TMEM131L: variants seen among roughly 807,000 people sequenced by gnomAD.
The protein encoded by TMEM131L is transmembrane protein 131-like.
A neutral mutation model predicts 192.2 loss-of-function variants in TMEM131L; 54 were observed. The observed-to-expected ratio is 0.28, with a 90% CI of 0.23 to 0.35. The LOEUF (loss-of-function observed/expected upper bound fraction) is 0.35, where lower values mean the gene tolerates loss of function less well. Ranked by LOEUF, TMEM131L falls within the 10% of genes least tolerant of loss-of-function variation. The probability of loss-of-function intolerance (pLI) is 1.00; values close to 1 mark genes in which losing one functional copy is unlikely to be tolerated. For missense variants in TMEM131L, 1,888 were observed against 1,972.9 expected (o/e 0.96, Z 0.82); for synonymous variants, 701 against 704.9 (o/e 0.99, Z 0.09).
intron 3 of TMEM131L, among the ~76,000 whole-genome samples, chr4:153,490,646 CA>C (rs1732701421): frequency 1.3e-5 from 2 of 151,836 alleles, no homozygotes; most frequent in African/African-American, 4.8e-5. Flanking sequence ...TTGTTGGAAA[CA>C]AAAGCTTCTA....
intron 4 of TMEM131L, among the ~76,000 whole-genome samples, chr4:153,553,301 A>G (rs1375910678): frequency 1.3e-5 from 2 of 152,168 alleles, no homozygotes; most frequent in Non-Finnish European, 2.9e-5. Flanking sequence ...AAATGTGTTC[A>G]TACATTTGTT....
chr4:153,478,703 G>C (rs1200572099), intron 3 of TMEM131L, among the ~76,000 whole-genome samples: 1 of 151,980 alleles, frequency 6.6e-6, no homozygotes, highest in Non-Finnish European at 1.5e-5. Context: ...TTTATATCTT[G>C]TGAGCTCATG....
At chr4:153,621,654 G>GT (rs112486435) in intron 27 of TMEM131L, 29 bp from the exon 28 acceptor site, 854 of 1,568,814 alleles carry the variant, frequency 5.4e-4, no homozygotes, top group Middle Eastern at 8.5e-4. Context: ...ATACAGATGT[G>GT]TTTTTTTGTG....
intron 3 of TMEM131L, among the ~76,000 whole-genome samples, chr4:153,490,687 G>C (rs1732707807): frequency 6.6e-6 from 1 of 152,150 alleles, no homozygotes; most frequent in Non-Finnish European, 1.5e-5. Context: ...CGGGCGTGGG[G>C]GCTCATGCCT....
At chr4:153,500,066 C>T (rs1260752190) in intron 3 of TMEM131L, among the ~76,000 whole-genome samples, 1 of 151,998 alleles carries the variant, frequency 6.6e-6, no homozygotes, top group African/African-American at 2.4e-5. Flanking sequence ...CCGTTCCCTT[C>T]CGTTCCCTTC....
At chr4:153,560,019 A>T (rs748710294) in intron 7 of TMEM131L, among the ~76,000 whole-genome samples, 1 of 151,056 alleles carries the variant, frequency 6.6e-6, no homozygotes, top group African/African-American at 2.4e-5. Flanking sequence ...TCCACCTCCA[A>T]TTTTCTCCAA....
intron 3 of TMEM131L, among the ~76,000 whole-genome samples, chr4:153,476,490 G>A (rs530811450): frequency 1.2e-4 from 19 of 152,208 alleles, no homozygotes; most frequent in African/African-American, 3.9e-4. Flanking sequence ...GAGGTCAGGT[G>A]ATCAAGACCA....
chr4:153,615,907 G>C (rs1015138524), intron 26 of TMEM131L, among the ~76,000 whole-genome samples: 1 of 152,198 alleles, frequency 6.6e-6, no homozygotes, highest in African/African-American at 2.4e-5. Flanking sequence ...CTGGCTCTCT[G>C]TGCCAGGCTT....
chr4:153,562,748 T>C (rs1249063161), intron 7 of TMEM131L, among the ~76,000 whole-genome samples: 1 of 152,204 alleles, frequency 6.6e-6, no homozygotes, highest in Non-Finnish European at 1.5e-5. Flanking sequence ...TAGACAGAAA[T>C]ATGTCATCAG....
At chr4:153,622,675 A>G (rs965168403) in intron 28 of TMEM131L, among the ~76,000 whole-genome samples, 1 of 152,200 alleles carries the variant, frequency 6.6e-6, no homozygotes, top group African/African-American at 2.4e-5. Flanking sequence ...TGGCCCTCTT[A>G]GCCCCTAATT....
intron 26 of TMEM131L, among the ~76,000 whole-genome samples, chr4:153,620,452 G>T (rs1733309011): frequency 6.6e-6 from 1 of 152,210 alleles, no homozygotes; most frequent in Admixed American, 6.5e-5. Context: ...ACAGGTGAAG[G>T]TTGGAGGATT....
chr4:153,605,161 A>G (rs1732134034), intron 25 of TMEM131L, among the ~76,000 whole-genome samples: 1 of 152,212 alleles, frequency 6.6e-6, no homozygotes, highest in Non-Finnish European at 1.5e-5. Context: ...TTCCTTGGTT[A>G]AAAGAAGACA....
intron 3 of TMEM131L, among the ~76,000 whole-genome samples, chr4:153,543,499 T>A (rs1580177066): frequency 6.6e-6 from 1 of 152,330 alleles, no homozygotes; most frequent in East Asian, 1.9e-4. Flanking sequence ...GTGCCTTGCC[T>A]CAGTTCATAG....
intron 3 of TMEM131L, among the ~76,000 whole-genome samples, chr4:153,494,385 ATT>A (rs1733012393): frequency 6.6e-6 from 1 of 152,248 alleles, no homozygotes; most frequent in Admixed American, 6.5e-5. Flanking sequence ...GTAGTACAAT[ATT>A]TGACAGAGAA....
chr4:153,589,140 C>G, intron 16 of TMEM131L, 133 bp downstream of exon 16: 1 of 473,746 alleles, frequency 2.1e-6, no homozygotes, highest in Non-Finnish European at 3.7e-6. Flanking sequence ...GTAGCAGACC[C>G]TATATACTAT....
intron 3 of TMEM131L, among the ~76,000 whole-genome samples, chr4:153,486,151 C>T (rs527236935): frequency 6.6e-6 from 1 of 151,850 alleles, no homozygotes; most frequent in Non-Finnish European, 1.5e-5. Context: ...TAGCAAATCC[C>T]TGAAAAAAAA....
intron 3 of TMEM131L, among the ~76,000 whole-genome samples, chr4:153,544,645 C>T (rs1434175296): frequency 1.1e-4 from 16 of 152,238 alleles, no homozygotes; most frequent in Admixed American, 1.0e-3. Flanking sequence ...ATTGGCCTTA[C>T]TGGAAGCAGC....
At chr4:153,581,368 ATT>A in intron 8 of TMEM131L, 37 bp from the exon 9 acceptor site, 1 of 1,386,124 alleles carries the variant, frequency 7.2e-7, no homozygotes, top group South Asian at 1.6e-5. Flanking sequence ...AGTTGAGATG[ATT>A]TTTTTTTTCC....
At chr4:153,626,394 C>T (rs1045377132) in intron 30 of TMEM131L, among the ~76,000 whole-genome samples, 169 bp downstream of exon 30, 3 of 152,136 alleles carry the variant, frequency 2.0e-5, no homozygotes, top group African/African-American at 7.2e-5. Context: ...CGCAAGTAAA[C>T]ATGGTTCATG....
Sources: allele counts gnomAD v4.1 joint callset (sites outside exome capture counted in the v4.1 genomes callset), GRCh38; gene constraint gnomAD v4.1.1; transcripts MANE v1.5; gene names NCBI Gene and HGNC (gene_info 2026-07-23, HGNC 2026-07-21).